Variants in UNC13A observed in about 807,000 individuals in gnomAD.
UNC13A encodes the protein unc-13 homolog A, also known as protein unc-13 homolog A.
UNC13A carries 61 observed loss-of-function variants against 219.7 expected under a neutral mutation model. The ratio of observed to expected loss-of-function variants is 0.28; its 90% CI spans 0.23 to 0.34. The LOEUF (loss-of-function observed/expected upper bound fraction) is 0.34. Ranked by LOEUF, UNC13A falls within the 10% of genes least tolerant of loss-of-function variation. The pLI is 1.00. For missense variants in UNC13A, 1,476 were observed against 2,270.3 expected (o/e 0.65, Z 7.11); for synonymous variants, 920 against 884.6 (o/e 1.04, Z -0.71).
In UNC13A at chr19:17,626,800, G is replaced by A. The variant is rs555968899; in HGVS notation, c.3921-15C>T. 377 of 1,606,966 alleles carry A rather than the reference G, an allele frequency of 2.3e-4. 3 individuals carry two copies. The South Asian group carries it at 4.0e-3, about 17-fold the overall frequency. ...GCGGCTGGAAGCTGGGGACACAGAA[G>A]GGAAGGGCTCAGACCACAGGAAGGG... On this transcript the variant is annotated splice_polypyrimidine_tract_variant and intron_variant, in intron 33 of 43. Transcript: ENST00000519716.
intron 43 of UNC13A, 68 bp from the exon 44 acceptor site, chr19:17,606,422 C>G: frequency 6.6e-7 from 1 of 1,509,310 alleles, no homozygotes; most frequent in East Asian, 2.5e-5. Flanking sequence ...CGGCCCCGTC[C>G]CCACCGCATT....
At chr19:17,611,884 G>A (rs770744167) in intron 41 of UNC13A, 29 bp from the exon 42 acceptor site, 22 of 1,598,150 alleles carry the variant, frequency 1.4e-5, no homozygotes, top group East Asian at 6.7e-5. Context: ...GATGGTCAGC[G>A]TGAGCTCTGT....
intron 10 of UNC13A, 114 bp downstream of exon 10, chr19:17,655,769 C>T (rs1411440053): frequency 2.1e-6 from 3 of 1,425,724 alleles, no homozygotes; most frequent in Admixed American, 6.1e-5. Context: ...AACCCAAGAG[C>T]CTGTGACAAC....
chr19:17,639,739 G>A, intron 23 of UNC13A, 101 bp downstream of exon 23: 1 of 1,378,526 alleles, frequency 7.3e-7, no homozygotes, highest in Non-Finnish European at 1.0e-6. Context: ...CATCGTACAT[G>A]CGAAGATGGG....
chr19:17,672,201 G>A (rs2079802050), intron 4 of UNC13A, among the ~76,000 whole-genome samples, 177 bp downstream of exon 4: 1 of 152,220 alleles, frequency 6.6e-6, no homozygotes, highest in South Asian at 2.1e-4. Flanking sequence ...GAGAGAGGCA[G>A]AGCAAGATGG....
In UNC13A at chr19:17,639,431, C is replaced by T; in HGVS notation, c.2946+5G>A. The T allele has an allele frequency of 6.2e-7, 1 of 1,611,436 alleles. No individual in the cohort carries two copies. Among genetic ancestry groups the T allele is most frequent in the African/African-American group, 1.3e-5 (1 of 75,010 alleles). ...GAGAGCAAAGGCAACTGGATCCTTT[C>T]CTACCTTCATCCGAAAGAAGGTGAT... On this transcript the variant is annotated splice_donor_5th_base_variant and intron_variant, in intron 24 of 43. Coordinates refer to ENST00000519716, the MANE Select transcript of UNC13A (RefSeq NM_001080421.3).
chr19:17,664,194 A>G (rs1599395945), intron 7 of UNC13A, among the ~76,000 whole-genome samples: 1 of 152,254 alleles, frequency 6.6e-6, no homozygotes, highest in East Asian at 1.9e-4. Context: ...TAGGGTTAGC[A>G]GTCTCCCAGT....
At chr19:17,610,320 G>T (rs1158331783) in intron 42 of UNC13A, among the ~76,000 whole-genome samples, 2 of 151,964 alleles carry the variant, frequency 1.3e-5, no homozygotes, top group African/African-American at 4.8e-5. Flanking sequence ...ACAAAAATCA[G>T]CTGGGCGTGG....
intron 41 of UNC13A, chr19:17,614,060 T>G (rs1193512373): frequency 8.1e-6 from 1 of 123,024 alleles, no homozygotes; most frequent in African/African-American, 3.1e-5. Context: ...GGCTGGAGTG[T>G]AATGGCACCA....
chr19:17,672,518 G>A (rs143831142), intron 3 of UNC13A, 23 bp from the exon 4 acceptor site: 180 of 1,603,128 alleles, frequency 1.1e-4, no homozygotes, highest in African/African-American at 8.0e-4. Flanking sequence ...GAGAGGGGGC[G>A]TCGAGGGAGC....
chr19:17,624,844 G>A lies in UNC13A; in HGVS notation c.4182C>T (p.Pro1394=). 1.2e-6 allele frequency: 2 copies of A among 1,613,672 alleles called. No individual in the cohort carries two copies. The highest frequency in any genetic ancestry group is 1.7e-6 in the Non-Finnish European group (2 of 1,179,648). ...CAGGTCTCACCGTCTGGTCAGTGAG[G>A]GGCGGCAGGACGATGGTTTTCTCCA... ...NTMEKTIVLP[P]LTDQTMIGNL... is the part of the protein sequence containing the mutation. Residue 1394 remains proline (P), a synonymous_variant, in exon 35 of 44, where the codon CCC becomes CCT. Transcript: ENST00000519716.
Position 17,663,549 on chromosome 19 carries a change from C to G in UNC13A, c.542G>C (p.Gly181Ala). Residue 181 changes from glycine (G) to alanine (A), a missense_variant, in exon 8 of 44, where the codon GGC becomes GCC. Transcript: ENST00000519716. ...GTACTTACTGTGCTGCTCACCCCAG[C>G]CAAAATAATTCCAGTTGCCTACAAA... is the stretch of plus-strand genomic sequence containing the variant. Reference protein sequence around the residue: ...SNQCCNWNYFGWGEQHNDDPD... With the variant: ...SNQCCNWNYFAWGEQHNDDPD... 6.2e-7 allele frequency: 1 copy of G among 1,612,462 alleles called. No homozygotes were observed. The highest frequency in any genetic ancestry group is 1.1e-5 in the South Asian group (1 of 90,538).
rs745774543 is a variant in UNC13A at position 17,646,104 on chromosome 19, G to A, written c.2052C>T (p.Cys684=). The part of the protein sequence containing the change: ...WSAKISITVV[C]AQGLQAKDKT... ...TGTCCTTTGCCTGCAAGCCCTGGGC[G>A]CAGACCACTGGAAGACACAGAGGGC... The change falls in exon 18 of 44, where the codon TGC becomes TGT. Residue 684 remains cysteine, a synonymous_variant. Coordinates refer to ENST00000519716, the MANE Select transcript of UNC13A (RefSeq NM_001080421.3). 2.7e-5 allele frequency: 43 copies of A among 1,613,556 alleles called. No homozygotes were observed. The highest frequency in any genetic ancestry group is 3.3e-5 in the Admixed American group (2 of 60,008).
At chr19:17,681,143 T>C (rs2080010447) in intron 1 of UNC13A, among the ~76,000 whole-genome samples, 1 of 136,092 alleles carries the variant, frequency 7.3e-6, no homozygotes, top group Non-Finnish European at 1.5e-5. Context: ...GCTCAAGCCA[T>C]CCCCTCGGCC....
At position 17,605,652 on chromosome 19, in the gene UNC13A, C is replaced by T. The variant is rs2076515338; in HGVS notation, c.*402G>A. The T allele has an allele frequency of 1.1e-5, 2 of 175,660 alleles. No homozygotes were observed. Among genetic ancestry groups the T allele is most frequent in the African/African-American group, 4.7e-5 (2 of 42,322 alleles). The allele number at this position is 175,660 out of a possible 1,614,324, so 10.9% of individuals were successfully genotyped here. ...GAGATTTCCATACTTGGCAATTGGTCTGGGGTCCCAGGGGTCTGGGTCCCA... is the reference window on the plus strand; with the variant it reads ...GAGATTTCCATACTTGGCAATTGGTTTGGGGTCCCAGGGGTCTGGGTCCCA... On this transcript the variant is annotated 3_prime_UTR_variant, in exon 44 of 44. Transcript: ENST00000519716.
chr19:17,626,927 C>T (rs931511110), intron 33 of UNC13A, 142 bp from the exon 34 acceptor site: 25 of 1,302,106 alleles, frequency 1.9e-5, no homozygotes, highest in Non-Finnish European at 2.4e-5. Flanking sequence ...GATGCGGTGG[C>T]TCACGCCTTT....
At chr19:17,650,154 AGAT>A (rs1421718666) in intron 12 of UNC13A, among the ~76,000 whole-genome samples, 2 of 152,170 alleles carry the variant, frequency 1.3e-5, no homozygotes, top group Admixed American at 1.3e-4. Flanking sequence ...AAAAATGGGG[AGAT>A]GATGTAATTG....
At position 17,639,283 on chromosome 19, in the gene UNC13A, G is replaced by A. The variant is rs919961793; in HGVS notation, c.2947-66C>T. ...CAGGAGGTCCCCAGGAAGTGACTGC[G>A]AGTCATTTTGGGTTTAAGGAAATGA... On this transcript the variant is annotated intron_variant, in intron 24 of 43. Transcript: ENST00000519716. 3.7e-6 allele frequency: 6 copies of A among 1,603,904 alleles called. No individual in the cohort carries two copies. In the African/African-American group the frequency reaches 4.0e-5, roughly 11 times the overall value.
intron 25 of UNC13A, among the ~76,000 whole-genome samples, chr19:17,637,502 G>A (rs2076925196): frequency 6.6e-6 from 1 of 151,808 alleles, no homozygotes. Flanking sequence ...GTTTCACTGT[G>A]TTAGCCAGGA....
Sources: gnomAD v4.1 joint callset for allele counts (sites outside exome capture counted in the v4.1 genomes callset) on GRCh38, gnomAD v4.1.1 for gene constraint, MANE v1.5 for transcripts, NCBI Gene and HGNC (gene_info 2026-07-23, HGNC 2026-07-21) for gene names.